The following ZFR variants were observed in gnomAD, a reference collection of about 807,000 sequenced individuals.
ZFR encodes zinc finger RNA binding protein.
In ZFR, 19 loss-of-function variants were observed where a neutral mutation model predicts 130.7. That is an observed-to-expected ratio of 0.15 (90% CI 0.10 to 0.21). ZFR has a LOEUF of 0.21. Ranked by LOEUF, ZFR falls within the 10% of genes least tolerant of loss-of-function variation. The probability of loss-of-function intolerance (pLI) is 1.00; values close to 1 mark genes in which losing one functional copy is unlikely to be tolerated. For missense variants in ZFR, 872 were observed against 1,321.5 expected, an observed-to-expected ratio of 0.66 and a Z score of 5.27; for synonymous variants, 466 against 456.9, an observed-to-expected ratio of 1.02 and a Z score of -0.25.
At chr5:32,441,550 G>A (rs1015493542) in intron 2 of ZFR, among the ~76,000 whole-genome samples, 5 of 151,124 alleles carry the variant, frequency 3.3e-5, no homozygotes, top group Non-Finnish European at 5.9e-5. Flanking sequence ...GTTTTCAGGC[G>A]TGAACTGTAC....
At chr5:32,427,374 C>CAAAAAAAAAA (rs540663022) in intron 2 of ZFR, among the ~76,000 whole-genome samples, 4 of 66,504 alleles carry the variant, frequency 6.0e-5, no homozygotes, top group Admixed American at 1.7e-4. Context: ...GACTCTGTCT[C>CAAAAAAAAAA]AAAAAAAAAA....
At chr5:32,398,736 G>A (rs1162337163) in intron 9 of ZFR, among the ~76,000 whole-genome samples, 1 of 151,826 alleles carries the variant, frequency 6.6e-6, no homozygotes, top group Non-Finnish European at 1.5e-5. Context: ...GCCCAGGCTG[G>A]AGTACAGTTG....
intron 2 of ZFR, among the ~76,000 whole-genome samples, chr5:32,421,226 AAAG>A (rs1753950109): frequency 6.6e-6 from 1 of 152,206 alleles, no homozygotes; most frequent in Non-Finnish European, 1.5e-5. Context: ...CCTACTAAAA[AAAG>A]AAGAGCCCCA....
chr5:32,444,719 G>T lies in ZFR; in HGVS notation c.-61C>A, dbSNP rs1354875961. 6.7e-7 allele frequency: 1 copy of T among 1,494,624 alleles called. No individual in the cohort carries two copies. The highest frequency in any genetic ancestry group is 8.9e-7 in the Non-Finnish European group (1 of 1,121,900). The allele number at this position is 1,494,624 out of a possible 1,614,324, so 92.6% of individuals were successfully genotyped here. On this transcript the variant is annotated 5_prime_UTR_variant, in exon 1 of 20. Transcript: ENST00000265069. ...ACCCGCTGCCTCCCTCCTCTGCCCC[G>T]CTCCTCCTCAGCGGAGAACAGACCG...
intron 17 of ZFR, among the ~76,000 whole-genome samples, chr5:32,376,803 C>A (rs1752822655): frequency 6.6e-6 from 1 of 152,056 alleles, no homozygotes; most frequent in Non-Finnish European, 1.5e-5. Context: ...CATGATGAAA[C>A]CCCATCTCTA....
intron 2 of ZFR, among the ~76,000 whole-genome samples, chr5:32,427,913 C>T (rs10042099): frequency 0.17 from 25,508 of 151,798 alleles, 2,852 homozygotes; most frequent in African/African-American, 0.32. Context: ...GATATCCACA[C>T]GAAAAGGAAA....
At chr5:32,415,523 C>CAT (rs1554073620) in intron 4 of ZFR, among the ~76,000 whole-genome samples, 8 of 132,034 alleles carry the variant, frequency 6.1e-5, no homozygotes, top group Non-Finnish European at 1.3e-4. Flanking sequence ...TGTGCGCGCG[C>CAT]GCGCGCGCGC....
At chr5:32,416,282 A>G (rs1467493010) in intron 4 of ZFR, among the ~76,000 whole-genome samples, 2 of 152,230 alleles carry the variant, frequency 1.3e-5, no homozygotes, top group African/African-American at 4.8e-5. Context: ...ATTAAACAGG[A>G]AGTTTACTAT....
Position 32,404,712 on chromosome 5 carries a change from A to G in ZFR, c.1033-615T>C, listed in dbSNP as rs1458402060. ...TAGCCAATAAATAGTGAAATTACATATTAAAAATCATTGTGAATGCACATG... is the reference window on the plus strand; with the variant it reads ...TAGCCAATAAATAGTGAAATTACATGTTAAAAATCATTGTGAATGCACATG... On this transcript the variant is annotated intron_variant, in intron 6 of 19. Coordinates refer to ENST00000265069, the MANE Select transcript of ZFR (RefSeq NM_016107.5). Among the ~76,000 whole-genome samples, 9 of 152,362 alleles carry G rather than the reference A, an allele frequency of 5.9e-5. No individual in the cohort carries two copies. The East Asian group carries it at 1.7e-3, about 29-fold the overall frequency.
Position 32,390,313 on chromosome 5 carries a change from C to A in ZFR, c.2104G>T (p.Val702Phe), listed in dbSNP as rs773838582. The A allele has an allele frequency of 2.5e-6, 4 of 1,614,116 alleles. No homozygotes were observed. The highest frequency in any genetic ancestry group is 3.4e-6 in the Non-Finnish European group (4 of 1,179,972). ...GPPGPLGLLG[V>F]RPGMPPQPQG... Reference sequence around the variant, plus strand: ...GGCTGAGGAGGCATGCCTGGTCGGACTCCCAGAAGGCCTAATGGGCCTGGA... The same window carrying A: ...GGCTGAGGAGGCATGCCTGGTCGGAATCCCAGAAGGCCTAATGGGCCTGGA... Residue 702 changes from valine (V) to phenylalanine (F), a missense_variant, in exon 12 of 20, where the codon GTC becomes TTC. By Grantham distance (50) the Val-to-Phe change is conservative (BLOSUM62 -1). Transcript: ENST00000265069.
At chr5:32,397,405 T>C (rs769166503) in intron 9 of ZFR, 67 bp from the exon 10 acceptor site, 52 of 1,558,554 alleles carry the variant, frequency 3.3e-5, no homozygotes, top group Non-Finnish European at 4.5e-5. Context: ...AACCCCCACA[T>C]ATTATTTGAT....
At chr5:32,415,525 C>CACGT (rs1753807259) in intron 4 of ZFR, among the ~76,000 whole-genome samples, 1 of 133,672 alleles carries the variant, frequency 7.5e-6, no homozygotes, top group South Asian at 2.5e-4. Flanking sequence ...TGCGCGCGCG[C>CACGT]GCGCGCGCAC....
Position 32,406,984 on chromosome 5 carries a change from T to C in ZFR, c.822A>G (p.Ser274=). 1 of 1,572,054 alleles carries C rather than the reference T, an allele frequency of 6.4e-7. No individual in the cohort carries two copies. Among genetic ancestry groups the C allele is most frequent in the Non-Finnish European group, 8.6e-7 (1 of 1,166,704 alleles). The change falls in exon 6 of 20, where the codon TCA becomes TCG. Residue 274 remains serine, a synonymous_variant. Coordinates refer to ENST00000265069, the MANE Select transcript of ZFR (RefSeq NM_016107.5). ...GCTGTTGATAGTAGGAAGATGCAGC[T>C]GAATACACTGCTGCTTCATAACCTG... ...SYSGYEAAVY[S]AASSYYQQQQ...
At chr5:32,388,772 A>C (rs1200301960) in intron 12 of ZFR, 98 bp from the exon 13 acceptor site, 1 of 1,107,356 alleles carries the variant, frequency 9.0e-7, no homozygotes, top group African/African-American at 1.6e-5. Context: ...CTTTTCAATA[A>C]GAAAGCCTTT....
At chr5:32,379,526 G>C (rs1025547540) in intron 16 of ZFR, 29 of 286,468 alleles carry the variant, frequency 1.0e-4, no homozygotes, top group Middle Eastern at 1.3e-3. Flanking sequence ...AGAAATAAAA[G>C]AAAAAGTAAA....
chr5:32,415,533 C>CGCGCGT (rs1561908655), intron 4 of ZFR, among the ~76,000 whole-genome samples: 5 of 137,580 alleles, frequency 3.6e-5, no homozygotes, highest in Non-Finnish European at 8.2e-5. Flanking sequence ...CGCGCGCGCG[C>CGCGCGT]ACTAGTCAGT....
chr5:32,375,987 G>A (rs571067137), intron 17 of ZFR, among the ~76,000 whole-genome samples: 6 of 151,702 alleles, frequency 4.0e-5, no homozygotes, highest in South Asian at 2.1e-4. Context: ...GATTATAGGC[G>A]TCTGCCACCA....
intron 19 of ZFR, among the ~76,000 whole-genome samples, chr5:32,359,291 T>C (rs934634046): frequency 6.7e-6 from 1 of 149,540 alleles, no homozygotes; most frequent in African/African-American, 2.5e-5. Context: ...TAAAACATTA[T>C]GAGATTTTTT....
intron 2 of ZFR, among the ~76,000 whole-genome samples, chr5:32,437,845 T>C (rs1317482002): frequency 6.6e-6 from 1 of 152,174 alleles, no homozygotes; most frequent in East Asian, 1.9e-4. Context: ...ACCACATTTT[T>C]CTATTAATAA....
Sources: gnomAD v4.1 joint callset for allele counts (sites outside exome capture counted in the v4.1 genomes callset) on GRCh38, gnomAD v4.1.1 for gene constraint, MANE v1.5 for transcripts, NCBI Gene and HGNC (gene_info 2026-07-23, HGNC 2026-07-21) for gene names.